Variants in TBC1D22A observed in about 807,000 individuals in gnomAD.
TBC1D22A encodes putative GTPase activator.
Under a neutral mutation model 60.2 loss-of-function variants are expected in TBC1D22A, and 38 were observed. The ratio of observed to expected loss-of-function variants is 0.63; its 90% CI spans 0.49 to 0.83. The LOEUF (loss-of-function observed/expected upper bound fraction) is 0.83. Ranked by LOEUF, TBC1D22A falls within the 40% of genes least tolerant of loss-of-function variation. The probability of loss-of-function intolerance (pLI) is 0.00; values close to 1 mark genes in which losing one functional copy is unlikely to be tolerated. For missense variants in TBC1D22A, 628 were observed against 701.0 expected, an observed-to-expected ratio of 0.90 and a Z score of 1.18; for synonymous variants, 302 against 281.7, an observed-to-expected ratio of 1.07 and a Z score of -0.72.
At chr22:46,949,676 CT>C (rs2072778261) in intron 8 of TBC1D22A, among the ~76,000 whole-genome samples, 1 of 152,200 alleles carries the variant, frequency 6.6e-6, no homozygotes, top group African/African-American at 2.4e-5. Flanking sequence ...AACTTTTATT[CT>C]TTTGGTGGGG....
rs139886910 is a variant in TBC1D22A at position 46,786,833 on chromosome 22, T to C, written c.63-5687T>C. On this transcript the variant is annotated intron_variant, in intron 1 of 12. Coordinates refer to ENST00000337137, the MANE Select transcript of TBC1D22A (RefSeq NM_014346.5). ...CCTTCTGAGTAGCTGGGACTACAGG[T>C]GTGTGCCACCATGCCCACTAGTTTT... Among the ~76,000 whole-genome samples, 1,068 of 152,170 alleles carry C rather than the reference T, an allele frequency of 7.0e-3. 7 individuals carry two copies. The highest frequency in any genetic ancestry group is 0.024 in the African/African-American group (1,001 of 41,494).
chr22:46,792,220 C>T (rs1019335542), intron 1 of TBC1D22A, among the ~76,000 whole-genome samples: 4 of 152,244 alleles, frequency 2.6e-5, no homozygotes, highest in Non-Finnish European at 5.9e-5. Context: ...ACACCCTCAT[C>T]ACCGTGTAGA....
intron 6 of TBC1D22A, among the ~76,000 whole-genome samples, chr22:46,894,464 T>G (rs2068564556): frequency 6.6e-6 from 1 of 152,134 alleles, no homozygotes; most frequent in South Asian, 2.1e-4. Context: ...AGGCTGAAAA[T>G]CGATGTTTAC....
intron 5 of TBC1D22A, among the ~76,000 whole-genome samples, chr22:46,883,322 G>C (rs572458919): frequency 2.6e-5 from 4 of 152,316 alleles, no homozygotes; most frequent in Admixed American, 2.6e-4. Flanking sequence ...TTACATTTAT[G>C]ATGAGTGTTT....
intron 4 of TBC1D22A, among the ~76,000 whole-genome samples, chr22:46,860,536 T>A (rs1250520780): frequency 7.4e-6 from 1 of 135,238 alleles, no homozygotes; most frequent in Non-Finnish European, 1.6e-5. Flanking sequence ...CCGTGCCCCT[T>A]CCTGGGACCA....
Position 46,938,866 on chromosome 22 carries a change from G to T in TBC1D22A, c.1015+26678G>T, listed in dbSNP as rs186406685. Among the ~76,000 whole-genome samples, 48 of 152,128 alleles carry T rather than the reference G, an allele frequency of 3.2e-4. 1 individual carries two copies. In the East Asian group the frequency reaches 8.5e-3, roughly 27 times the overall value. ...CTCCCAAAATGCTGGGATTACAGGC[G>T]TGAGCCACCACAGCTGGCCAGTTAT... On this transcript the variant is annotated intron_variant, in intron 8 of 12. Transcript: ENST00000337137.
intron 8 of TBC1D22A, among the ~76,000 whole-genome samples, chr22:46,951,048 C>T (rs1312973925): frequency 1.3e-5 from 2 of 152,176 alleles, no homozygotes; most frequent in Non-Finnish European, 2.9e-5. Flanking sequence ...AGAAACAGCC[C>T]AGCACTTCCG....
At chr22:47,034,661 A>G (rs1438986925) in intron 10 of TBC1D22A, among the ~76,000 whole-genome samples, 3 of 152,138 alleles carry the variant, frequency 2.0e-5, no homozygotes, top group African/African-American at 7.2e-5. Flanking sequence ...TTTCTAGCCC[A>G]ACACCTTTCA....
chr22:47,131,111 A>G (rs925912387), intron 12 of TBC1D22A, among the ~76,000 whole-genome samples: 2 of 152,166 alleles, frequency 1.3e-5, no homozygotes, highest in Non-Finnish European at 1.5e-5. Context: ...CTCACTCACT[A>G]CCACAGGGAA....
chr22:47,090,389 C>A (rs1046038909), intron 11 of TBC1D22A, among the ~76,000 whole-genome samples: 4 of 152,238 alleles, frequency 2.6e-5, no homozygotes, highest in Admixed American at 2.6e-4. Flanking sequence ...GATGCCACTC[C>A]AGGGTGGATG....
At chr22:46,980,974 A>G (rs1002890338) in intron 9 of TBC1D22A, among the ~76,000 whole-genome samples, 7 of 152,262 alleles carry the variant, frequency 4.6e-5, no homozygotes, top group African/African-American at 1.7e-4. Flanking sequence ...ATCCAGCTAT[A>G]TGCTACTTAC....
At chr22:46,982,019 A>T (rs1411701606) in intron 9 of TBC1D22A, among the ~76,000 whole-genome samples, 6 of 152,182 alleles carry the variant, frequency 3.9e-5, no homozygotes, top group South Asian at 2.1e-4. Flanking sequence ...TGAGAAGAGC[A>T]TTCTAGACTA....
intron 4 of TBC1D22A, among the ~76,000 whole-genome samples, chr22:46,856,096 C>CG (rs2087555182): frequency 6.6e-6 from 1 of 152,066 alleles, no homozygotes; most frequent in Non-Finnish European, 1.5e-5. Context: ...AGGTTTGTTC[C>CG]GGGGGCTTCT....
intron 4 of TBC1D22A, among the ~76,000 whole-genome samples, chr22:46,830,671 C>G (rs1030177640): frequency 5.3e-5 from 8 of 152,164 alleles, no homozygotes; most frequent in South Asian, 2.1e-4. Context: ...AATCCTTTTA[C>G]AGGGAAGTGA....
intron 4 of TBC1D22A, among the ~76,000 whole-genome samples, chr22:46,798,568 C>T (rs1156591740): frequency 1.3e-5 from 2 of 152,258 alleles, no homozygotes; most frequent in Non-Finnish European, 2.9e-5. Flanking sequence ...GGAATTCCTG[C>T]TGAATCCACG....
rs1175211637 is a variant in TBC1D22A, at chr22:46,797,528, C to G, written c.545C>G (p.Pro182Arg). The G allele has an allele frequency of 2.5e-6, 4 of 1,614,074 alleles. No homozygotes were observed. The highest frequency in any genetic ancestry group is 3.4e-6 in the Non-Finnish European group (4 of 1,180,040). The change falls in exon 4 of 13, where the codon CCC (proline) becomes CGC (arginine). Residue 182 changes from proline (P) to arginine (R), a missense_variant. By Grantham distance (103) the Pro-to-Arg change is moderately radical (BLOSUM62 -2). Coordinates refer to ENST00000337137, the MANE Select transcript of TBC1D22A (RefSeq NM_014346.5). Reference sequence around the variant, plus strand: ...GTCACGCTGGGTGGCACATCTGACCCCAGCACTCTCAGCAGCTCAGCGCTG... The same window carrying G: ...GTCACGCTGGGTGGCACATCTGACCGCAGCACTCTCAGCAGCTCAGCGCTG... ...ATVTLGGTSD[P>R]STLSSSALSE...
At chr22:46,936,319 G>A (rs541921065) in intron 8 of TBC1D22A, among the ~76,000 whole-genome samples, 2 of 151,650 alleles carry the variant, frequency 1.3e-5, no homozygotes, top group Admixed American at 6.6e-5. Flanking sequence ...CAGGCTCCTC[G>A]CAGTTCTGCA....
At chr22:46,788,126 C>T (rs1053526043) in intron 1 of TBC1D22A, among the ~76,000 whole-genome samples, 4 of 151,828 alleles carry the variant, frequency 2.6e-5, no homozygotes, top group South Asian at 4.2e-4. Context: ...TTAGTAGAGA[C>T]GGGGTTTCAC....
intron 2 of TBC1D22A, 126 bp downstream of exon 2, chr22:46,792,702 G>T: frequency 6.3e-7 from 1 of 1,592,920 alleles, no homozygotes; most frequent in Non-Finnish European, 8.6e-7. Flanking sequence ...TTCTCATTCA[G>T]CCACACTGAT....
Sources: gnomAD v4.1 joint callset for allele counts (sites outside exome capture counted in the v4.1 genomes callset) on GRCh38, gnomAD v4.1.1 for gene constraint, MANE v1.5 for transcripts, NCBI Gene and HGNC (gene_info 2026-07-23, HGNC 2026-07-21) for gene names.